UGT1A9: variants seen among roughly 807,000 people sequenced by gnomAD.
UGT1A9 encodes the protein UDP-glucuronosyltransferase 1A9.
In UGT1A9, 35 loss-of-function variants were observed where a neutral mutation model predicts 45.0. That is an observed-to-expected ratio of 0.78 (90% CI 0.59 to 1.03). UGT1A9 has a LOEUF of 1.03. Among genes scored for constraint, UGT1A9 ranks in the 50% least tolerant of loss-of-function variants. The pLI, the probability that UGT1A9 is intolerant of heterozygous loss-of-function variation, is 0.00. For synonymous variants in UGT1A9, 278 were observed against 250.6 expected (o/e 1.11, Z -1.03); for missense variants, 687 against 666.6 (o/e 1.03, Z -0.34).
chr2:233,705,514 T>C (rs2075854152), intron 1 of UGT1A9, among the ~76,000 whole-genome samples: 3 of 152,040 alleles, frequency 2.0e-5, no homozygotes, highest in African/African-American at 4.8e-5. Context: ...AGAATCAGGG[T>C]GGGGAGATTA....
At chr2:233,672,867 T>C in intron 1 of UGT1A9, 78 bp downstream of exon 1, 1 of 1,522,004 alleles carries the variant, frequency 6.6e-7, no homozygotes, top group East Asian at 2.3e-5. Flanking sequence ...TGAACTGTGA[T>C]TTGACATTTT....
chr2:233,693,598 G>A, intron 1 of UGT1A9: 1 of 1,614,182 alleles, frequency 6.2e-7, no homozygotes, highest in Non-Finnish European at 8.5e-7. Context: ...GCTACACAAA[G>A]TTTTCAGACC....
chr2:233,712,373 T>C (rs1400109853), intron 1 of UGT1A9, among the ~76,000 whole-genome samples: 1 of 152,218 alleles, frequency 6.6e-6, no homozygotes, highest in Non-Finnish European at 1.5e-5. Flanking sequence ...GCAGCTTTTT[T>C]TATATTGACA....
At chr2:233,723,514 A>G (rs2077090409) in intron 1 of UGT1A9, among the ~76,000 whole-genome samples, 1 of 107,644 alleles carries the variant, frequency 9.3e-6, no homozygotes, top group Non-Finnish European at 1.8e-5. Context: ...CTGGTCAACA[A>G]TCTTTTTTTT....
intron 1 of UGT1A9, 123 bp downstream of exon 1, chr2:233,672,912 CAA>C: frequency 1.3e-6 from 2 of 1,503,828 alleles, no homozygotes; most frequent in East Asian, 4.5e-5. Flanking sequence ...TCCAGTTTAA[CAA>C]ATTATTTTGT....
intron 1 of UGT1A9, among the ~76,000 whole-genome samples, chr2:233,689,520 G>A (rs1016831766): frequency 2.6e-5 from 4 of 152,228 alleles, no homozygotes; most frequent in African/African-American, 9.6e-5. Context: ...CATTGGTTTG[G>A]TCATGAGAAG....
At chr2:233,693,982 G>T (rs2075192875) in intron 1 of UGT1A9, 9 of 1,554,596 alleles carry the variant, frequency 5.8e-6, no homozygotes, top group Non-Finnish European at 7.8e-6. Context: ...AACGGTGGGG[G>T]GAAGTGATAC....
intron 1 of UGT1A9, among the ~76,000 whole-genome samples, chr2:233,679,569 G>T (rs1021852302): frequency 6.6e-6 from 1 of 151,752 alleles, no homozygotes; most frequent in African/African-American, 2.4e-5. Context: ...GTTTGTTTTT[G>T]TTTTTTCCAG....
At chr2:233,710,274 A>G (rs1427903289) in intron 1 of UGT1A9, among the ~76,000 whole-genome samples, 1 of 152,210 alleles carries the variant, frequency 6.6e-6, no homozygotes, top group Non-Finnish European at 1.5e-5. Flanking sequence ...TTCTTGGGTA[A>G]ATACTTAAAA....
At chr2:233,717,873 G>A (rs1268919584) in intron 1 of UGT1A9, 4 of 454,746 alleles carry the variant, frequency 8.8e-6, no homozygotes, top group African/African-American at 2.0e-5. Flanking sequence ...TTGACTTGGA[G>A]AAAAGCCTGG....
At chr2:233,743,643 T>G in intron 1 of UGT1A9, 3 of 1,367,286 alleles carry the variant, frequency 2.2e-6, no homozygotes, top group Non-Finnish European at 2.9e-6. Context: ...TCGCGGAAGC[T>G]GAAGACGTAC....
Position 233,729,365 on chromosome 2 carries a change from A to C in UGT1A9, c.856-37669A>C, listed in dbSNP as rs367794808. ...GAGAACTTTTTCACCCTGACAACCT[A>C]TGCCATTTCGTGGACCCAGGATGAA... On this transcript the variant is annotated intron_variant, in intron 1 of 4. Coordinates refer to ENST00000354728, the MANE Select transcript of UGT1A9 (RefSeq NM_021027.3). 153 of 1,614,014 alleles carry C rather than the reference A, an allele frequency of 9.5e-5. No individual in the cohort carries two copies. Among genetic ancestry groups the C allele is most frequent in the Non-Finnish European group, 1.3e-4 (148 of 1,180,000 alleles).
At position 233,732,704 on chromosome 2, in the gene UGT1A9, T is replaced by A. The variant is rs2078302376; in HGVS notation, c.856-34330T>A. 3.3e-5 allele frequency among the ~76,000 whole-genome samples: 5 copies of A among 152,126 alleles called. No homozygotes were observed. In the South Asian group the frequency reaches 1.0e-3, roughly 31 times the overall value. On this transcript the variant is annotated intron_variant, in intron 1 of 4. Coordinates refer to ENST00000354728, the MANE Select transcript of UGT1A9 (RefSeq NM_021027.3). ...ACCAGCACCCATGCTGTTTTGTTAC[T>A]GTAGCCTTGTAGTACAGTTTGAAGT...
At chr2:233,721,653 G>C in intron 1 of UGT1A9, 1 of 213,974 alleles carries the variant, frequency 4.7e-6, no homozygotes, top group Non-Finnish European at 9.6e-6. Flanking sequence ...GGCAGTGGGG[G>C]GTCATGTAAG....
chr2:233,704,953 TG>T (rs1223783947), intron 1 of UGT1A9, among the ~76,000 whole-genome samples: 1 of 152,054 alleles, frequency 6.6e-6, no homozygotes, highest in African/African-American at 2.4e-5. Flanking sequence ...CTGGCCAACA[TG>T]GTGAAACCCC....
rs188435252 is a variant in UGT1A9 at position 233,751,450 on chromosome 2, T to A, written c.856-15584T>A. Among the ~76,000 whole-genome samples the A allele has an allele frequency of 9.0e-3, 1,372 of 152,108 alleles. 30 individuals carry two copies. The highest frequency in any genetic ancestry group is 0.031 in the African/African-American group (1,290 of 41,366). ...GAAATGAGTTAAGACTTTGGAAGAT[T>A]GTTGGGAAGGCACGATTGGTTTTGA... On this transcript the variant is annotated intron_variant, in intron 1 of 4. Coordinates refer to ENST00000354728, the MANE Select transcript of UGT1A9 (RefSeq NM_021027.3).
rs145424374 is a variant in UGT1A9, at chr2:233,682,031, C to T, written c.855+9242C>T. On this transcript the variant is annotated intron_variant, in intron 1 of 4. Coordinates refer to ENST00000354728, the MANE Select transcript of UGT1A9 (RefSeq NM_021027.3). Reference sequence around the variant, plus strand: ...CAAGGCAGGGAAGCTGCTGGTAGTGCCCATGGATGGGAGCCACTGGTTCAC... The same window carrying T: ...CAAGGCAGGGAAGCTGCTGGTAGTGTCCATGGATGGGAGCCACTGGTTCAC... 75 of 1,613,956 alleles carry T rather than the reference C, an allele frequency of 4.6e-5. 1 individual carries two copies. Among genetic ancestry groups the T allele is most frequent in the South Asian group, 1.8e-4 (16 of 91,084 alleles).
chr2:233,715,252 A>C (rs74669452), intron 1 of UGT1A9, among the ~76,000 whole-genome samples: 1,791 of 152,300 alleles, frequency 0.012, 19 homozygotes, highest in South Asian at 0.027. Flanking sequence ...GTCTTTTAAA[A>C]AATCCCCTTA....
chr2:233,706,801 G>A (rs2075925244), intron 1 of UGT1A9, among the ~76,000 whole-genome samples: 1 of 152,164 alleles, frequency 6.6e-6, no homozygotes, highest in African/African-American at 2.4e-5. Context: ...GCACCAATTA[G>A]GTTGGGTTGC....
Sources: gnomAD v4.1 joint callset for allele counts (sites outside exome capture counted in the v4.1 genomes callset) on GRCh38, gnomAD v4.1.1 for gene constraint, MANE v1.5 for transcripts, NCBI Gene and HGNC (gene_info 2026-07-23, HGNC 2026-07-21) for gene names.